KLRG1: variants seen among roughly 807,000 people sequenced by gnomAD.
The protein encoded by KLRG1 is killer cell lectin like receptor G1.
KLRG1 carries 16 observed loss-of-function variants against 21.8 expected under a neutral mutation model. That is an observed-to-expected ratio of 0.73 (90% CI 0.50 to 1.11). The LOEUF (loss-of-function observed/expected upper bound fraction) is 1.11. Among genes scored for constraint, KLRG1 ranks in the 50% most tolerant of loss-of-function variants. KLRG1 has a pLI of 0.00. For synonymous variants in KLRG1, 69 were observed against 75.9 expected (o/e 0.91, Z 0.47); for missense variants, 173 against 218.3 (o/e 0.79, Z 1.31).
At chr12:9,082,498 G>A in the KLRG1 span, among the ~76,000 whole-genome samples, 1 of 152,224 alleles carries the variant, frequency 6.6e-6, no homozygotes, top group South Asian at 2.1e-4. Flanking sequence ...AACTCTGCCT[G>A]CTCAAGGTTG....
At chr12:9,048,857 A>G in the KLRG1 span, among the ~76,000 whole-genome samples, 2 of 152,148 alleles carry the variant, frequency 1.3e-5, no homozygotes, top group African/African-American at 2.4e-5. Flanking sequence ...AAGAAAATAA[A>G]ATGAAAGGTA....
chr12:9,035,338 A>G, the KLRG1 span, among the ~76,000 whole-genome samples: 2 of 152,168 alleles, frequency 1.3e-5, no homozygotes, highest in Admixed American at 6.5e-5. Context: ...TCAGCAAACC[A>G]TCACAATAAC....
chr12:9,160,877 T>A, the KLRG1 span, among the ~76,000 whole-genome samples: 2 of 151,364 alleles, frequency 1.3e-5, no homozygotes, highest in Admixed American at 6.6e-5. Flanking sequence ...ATCACGTCAC[T>A]GTACTCCAGC....
the KLRG1 span, among the ~76,000 whole-genome samples, chr12:9,121,316 G>T: frequency 3.9e-5 from 6 of 152,246 alleles, no homozygotes; most frequent in African/African-American, 1.4e-4. The surrounding 1 kb of genome is among the most constrained non-coding windows in gnomAD (Gnocchi z 4.4). Flanking sequence ...ACTGAGGCAG[G>T]TGGATCATGA....
At chr12:9,146,519 T>C in the KLRG1 span, among the ~76,000 whole-genome samples, 1 of 152,310 alleles carries the variant, frequency 6.6e-6, no homozygotes, top group Admixed American at 6.5e-5. Flanking sequence ...TTCTAGAATG[T>C]ATTTTGTTCC....
At chr12:9,004,838 A>T (rs1282424510) in intron 3 of KLRG1, among the ~76,000 whole-genome samples, 1 of 81,776 alleles carries the variant, frequency 1.2e-5, no homozygotes, top group Non-Finnish European at 3.4e-5. Context: ...ATGGTAGTCA[A>T]GAGTTGTTGC....
chr12:9,068,058 T>A, the KLRG1 span: 2 of 1,173,790 alleles, frequency 1.7e-6, no homozygotes, highest in African/African-American at 3.1e-5. Flanking sequence ...TTTTCTATAA[T>A]AATGTGCAGT....
intron 3 of KLRG1, among the ~76,000 whole-genome samples, chr12:8,998,947 C>G (rs1195840042): frequency 6.6e-6 from 1 of 152,060 alleles, no homozygotes; most frequent in Non-Finnish European, 1.5e-5. Flanking sequence ...TCTTGAACTC[C>G]TGGGCTCAAG....
the KLRG1 span, among the ~76,000 whole-genome samples, chr12:9,080,735 A>T: frequency 1.3e-5 from 2 of 152,220 alleles, no homozygotes; most frequent in Admixed American, 6.5e-5. Flanking sequence ...CATTGAAAAT[A>T]AAATAATTAC....
At chr12:8,967,025 G>A (rs1201488521) in intron 1 of KLRG1, among the ~76,000 whole-genome samples, 1 of 149,358 alleles carries the variant, frequency 6.7e-6, no homozygotes, top group African/African-American at 2.4e-5. Flanking sequence ...ATGAGTTCAT[G>A]TCCTTTGTAG....
the KLRG1 span, among the ~76,000 whole-genome samples, chr12:9,160,786 G>T: frequency 7.3e-4 from 111 of 152,014 alleles, no homozygotes; most frequent in African/African-American, 2.7e-3. Context: ...GTGGTGGCGG[G>T]CGCCTGTAGT....
At chr12:9,022,318 C>T in the KLRG1 span, among the ~76,000 whole-genome samples, 6 of 152,116 alleles carry the variant, frequency 3.9e-5, no homozygotes, top group East Asian at 7.7e-4. Flanking sequence ...TCTTGAGCTA[C>T]GACTTCATGG....
the KLRG1 span, among the ~76,000 whole-genome samples, chr12:9,183,884 A>G: frequency 3.3e-5 from 5 of 152,170 alleles, no homozygotes; most frequent in African/African-American, 1.2e-4. Context: ...GGAAGCTTAA[A>G]ATATCCTTAA....
chr12:9,006,750 T>G (rs767983076), intron 3 of KLRG1, among the ~76,000 whole-genome samples: 2 of 152,264 alleles, frequency 1.3e-5, no homozygotes, highest in South Asian at 4.1e-4. Flanking sequence ...TTGTCAAGAA[T>G]TTCATAACTG....
chr12:9,165,742 C>A, the KLRG1 span, among the ~76,000 whole-genome samples: 1 of 152,180 alleles, frequency 6.6e-6, no homozygotes, highest in Non-Finnish European at 1.5e-5. Context: ...TGTTTATGTG[C>A]CTGCTCCAGC....
chr12:9,027,677 T>A, the KLRG1 span: 1 of 1,023,758 alleles, frequency 9.8e-7, no homozygotes, highest in Non-Finnish European at 1.5e-6. Flanking sequence ...GTCCAAAATT[T>A]GAAAACTGAT....
At chr12:9,005,204 G>C (rs749513433) in intron 3 of KLRG1, among the ~76,000 whole-genome samples, 2 of 152,028 alleles carry the variant, frequency 1.3e-5, no homozygotes, top group Admixed American at 1.3e-4. Context: ...GGCCTGTCGG[G>C]GGGTGGGGGG....
intron 1 of KLRG1, among the ~76,000 whole-genome samples, chr12:8,978,801 G>T (rs1232990175): frequency 6.7e-6 from 1 of 149,124 alleles, no homozygotes; most frequent in Non-Finnish European, 1.5e-5. Context: ...TGCAACCTCT[G>T]CCTCCTGGGC....
chr12:8,988,983 A>C (rs1195877583), upstream of KLRG1, among the ~76,000 whole-genome samples: 2 of 152,184 alleles, frequency 1.3e-5, no homozygotes, highest in African/African-American at 4.8e-5. Flanking sequence ...TCTTTGCATG[A>C]AGTATAATAA....
Sources: allele counts gnomAD v4.1 joint callset (sites outside exome capture counted in the v4.1 genomes callset), GRCh38; gene constraint gnomAD v4.1.1; non-coding constraint Gnocchi (gnomAD v3.1); transcripts MANE v1.5; gene names NCBI Gene and HGNC (gene_info 2026-07-23, HGNC 2026-07-21).